Variants in DCC observed in about 807,000 individuals in gnomAD.
DCC encodes DCC netrin 1 receptor.
A neutral mutation model predicts 172.5 loss-of-function variants in DCC; 58 were observed. The observed-to-expected ratio is 0.34, with a 90% CI of 0.27 to 0.42. The LOEUF (loss-of-function observed/expected upper bound fraction) is 0.42, where lower values mean the gene tolerates loss of function less well. Ranked by LOEUF, DCC falls within the 10% of genes least tolerant of loss-of-function variation. The pLI, the probability that DCC is intolerant of heterozygous loss-of-function variation, is 1.00. For synonymous variants in DCC, 709 were observed against 644.5 expected (o/e 1.10, Z -1.52); for missense variants, 1,740 against 1,791.0 (o/e 0.97, Z 0.51).
At chr18:52,553,706 G>T (rs1598908888) in intron 1 of DCC, among the ~76,000 whole-genome samples, 2 of 152,008 alleles carry the variant, frequency 1.3e-5, no homozygotes, top group East Asian at 3.9e-4. Flanking sequence ...CTCAAAGGGG[G>T]TCTAGAGGAG....
chr18:53,144,315 G>T (rs2043873421), intron 7 of DCC, among the ~76,000 whole-genome samples: 1 of 151,964 alleles, frequency 6.6e-6, no homozygotes, highest in Non-Finnish European at 1.5e-5. Context: ...CATTTCAATG[G>T]TGTATTAGTC....
intron 1 of DCC, among the ~76,000 whole-genome samples, chr18:52,444,366 G>A (rs139650572): frequency 3.3e-5 from 5 of 152,226 alleles, no homozygotes; most frequent in Non-Finnish European, 7.4e-5. Flanking sequence ...AGACTTCTAC[G>A]TCAAGAAGCT....
intron 1 of DCC, among the ~76,000 whole-genome samples, chr18:52,733,321 T>C (rs1271582049): frequency 1.3e-5 from 2 of 152,124 alleles, no homozygotes; most frequent in South Asian, 2.1e-4. Flanking sequence ...ACGTTGCAAA[T>C]TGACAAGGAA....
chr18:52,974,177 A>G (rs1037527302), intron 5 of DCC, among the ~76,000 whole-genome samples: 1 of 152,192 alleles, frequency 6.6e-6, no homozygotes, highest in Non-Finnish European at 1.5e-5. Context: ...AATTAAGGAC[A>G]GGCCAGATAC....
intron 18 of DCC, among the ~76,000 whole-genome samples, chr18:53,401,728 G>A (rs1461209063): frequency 2.0e-5 from 3 of 152,052 alleles, no homozygotes; most frequent in Admixed American, 2.0e-4. Flanking sequence ...GTTAGACTAA[G>A]GGTAGCAAAG....
chr18:53,222,715 T>C (rs1384040388), intron 12 of DCC, among the ~76,000 whole-genome samples: 2 of 152,130 alleles, frequency 1.3e-5, no homozygotes, highest in African/African-American at 2.4e-5. Flanking sequence ...ACAAGGTTGC[T>C]ATGGCTTAAA....
Position 52,770,821 on chromosome 18 carries a change from A to C in DCC, c.412+18447A>C, listed in dbSNP as rs200984383. 1.1e-4 allele frequency among the ~76,000 whole-genome samples: 17 copies of C among 152,344 alleles called. No homozygotes were observed. The East Asian group carries it at 3.3e-3, about 29-fold the overall frequency. On this transcript the variant is annotated intron_variant, in intron 2 of 28. Transcript: ENST00000442544. ...GGACTTAGAAAAGATAAAAGTCTGCATGTAGAAGTCAGTAGTTTTAATAGT... is the reference window on the plus strand; with the variant it reads ...GGACTTAGAAAAGATAAAAGTCTGCCTGTAGAAGTCAGTAGTTTTAATAGT...
intron 1 of DCC, among the ~76,000 whole-genome samples, chr18:52,723,011 G>C (rs1249374513): frequency 6.6e-6 from 1 of 152,182 alleles, no homozygotes; most frequent in Non-Finnish European, 1.5e-5. Context: ...TTTTCTTCCA[G>C]AATTTGAGAG....
intron 1 of DCC, among the ~76,000 whole-genome samples, chr18:52,669,726 T>C (rs1347425309): frequency 6.6e-6 from 1 of 152,202 alleles, no homozygotes; most frequent in Admixed American, 6.5e-5. Context: ...CTTGATGCTG[T>C]ACATTCAGCA....
At chr18:53,256,000 A>G (rs1463427694) in intron 12 of DCC, among the ~76,000 whole-genome samples, 1 of 152,202 alleles carries the variant, frequency 6.6e-6, no homozygotes, top group Admixed American at 6.5e-5. Context: ...TTTTGGCTGA[A>G]TAAATGTCTT....
chr18:52,938,659 A>G (rs1255734847), intron 5 of DCC, among the ~76,000 whole-genome samples: 1 of 152,142 alleles, frequency 6.6e-6, no homozygotes, highest in African/African-American at 2.4e-5. Context: ...TTAATCACTC[A>G]CATATATAAT....
At chr18:53,191,558 T>A (rs920739867) in intron 9 of DCC, among the ~76,000 whole-genome samples, 4 of 152,226 alleles carry the variant, frequency 2.6e-5, no homozygotes, top group African/African-American at 9.6e-5. Flanking sequence ...CTTATATTCA[T>A]ATTGGACAGT....
intron 1 of DCC, among the ~76,000 whole-genome samples, chr18:52,341,688 G>T (rs1483240160): frequency 2.0e-5 from 3 of 152,206 alleles, no homozygotes; most frequent in Non-Finnish European, 4.4e-5. Context: ...GGACCTGGAG[G>T]CTGGCTGATC....
At chr18:53,324,578 C>T (rs935537815) in intron 14 of DCC, among the ~76,000 whole-genome samples, 1 of 151,920 alleles carries the variant, frequency 6.6e-6, no homozygotes, top group African/African-American at 2.4e-5. Flanking sequence ...GAAGGGGAAG[C>T]CATGCGAATA....
rs1187507146 is a variant in DCC at position 53,486,801 on chromosome 18, C to T, written c.3741C>T (p.Val1247=). 5.6e-6 allele frequency: 9 copies of T among 1,613,952 alleles called. No individual in the cohort carries two copies. Among genetic ancestry groups the T allele is most frequent in the Admixed American group, 3.3e-5 (2 of 59,984 alleles). ...PMDAQSNNPA[V]VSAIPVPTLE... Reference sequence around the variant, plus strand: ...ATTAACCTTTTTCTTTTGCAGCTGTCGTGAGCGCCATCCCGGTGCCAACGC... The same window carrying T: ...ATTAACCTTTTTCTTTTGCAGCTGTTGTGAGCGCCATCCCGGTGCCAACGC... Residue 1247 remains valine (V), a synonymous_variant, in exon 26 of 29, where the codon GTC becomes GTT. Transcript: ENST00000442544.
chr18:53,064,997 C>T (rs1388097049), intron 6 of DCC, among the ~76,000 whole-genome samples: 2 of 152,084 alleles, frequency 1.3e-5, no homozygotes, highest in Non-Finnish European at 2.9e-5. Flanking sequence ...TTAAATTCTT[C>T]TTTTATAGGT....
At chr18:53,427,447 C>A (rs948372752) in intron 21 of DCC, among the ~76,000 whole-genome samples, 1 of 151,956 alleles carries the variant, frequency 6.6e-6, no homozygotes, top group African/African-American at 2.4e-5. Context: ...TTGTTTCATT[C>A]CTAACTTGCA....
intron 27 of DCC, among the ~76,000 whole-genome samples, chr18:53,524,492 G>A (rs1241948141): frequency 6.6e-6 from 1 of 151,928 alleles, no homozygotes; most frequent in East Asian, 1.9e-4. Context: ...AACTTTAAAT[G>A]TGTTTTTGTT....
At chr18:53,066,353 G>GTATGTATGTGTA (rs1202896480) in intron 7 of DCC, among the ~76,000 whole-genome samples, 187 bp downstream of exon 7, 1 of 94,608 alleles carries the variant, frequency 1.1e-5, no homozygotes, top group Non-Finnish European at 2.2e-5. Context: ...GTACATGTGT[G>GTATGTATGTGTA]TATATATATA....
Sources: allele counts gnomAD v4.1 joint callset (sites outside exome capture counted in the v4.1 genomes callset), GRCh38; gene constraint gnomAD v4.1.1; transcripts MANE v1.5; gene names NCBI Gene and HGNC (gene_info 2026-07-23, HGNC 2026-07-21).